The following PDPR variants were observed in gnomAD, a reference collection of about 807,000 sequenced individuals.
PDPR encodes pyruvate dehydrogenase phosphatase regulatory subunit, mitochondrial.
A neutral mutation model predicts 102.2 loss-of-function variants in PDPR; 50 were observed. That is an observed-to-expected ratio of 0.49 (90% CI 0.39 to 0.62). The LOEUF (loss-of-function observed/expected upper bound fraction) is 0.62. Ranked by LOEUF, PDPR falls within the 20% of genes least tolerant of loss-of-function variation. The pLI is 0.00. For synonymous variants in PDPR, 259 were observed against 406.0 expected, an observed-to-expected ratio of 0.64 and a Z score of 4.35; for missense variants, 625 against 1,098.2, an observed-to-expected ratio of 0.57 and a Z score of 6.09.
At position 70,142,476 on chromosome 16, in the gene PDPR, A is replaced by C. The variant is rs1237896834; in HGVS notation, c.1472-77A>C. ...ACATATTTTCAAATGCATAGGCTAG[A>C]ATGTGTTCACAGAAGAAAAAGAACC... On this transcript the variant is annotated intron_variant, in intron 12 of 18. Coordinates refer to ENST00000288050, the MANE Select transcript of PDPR (RefSeq NM_017990.5). 3 of 1,612,590 alleles carry C rather than the reference A, an allele frequency of 1.9e-6. No individual in the cohort carries two copies. In the African/African-American group the frequency reaches 4.0e-5, roughly 22 times the overall value.
At chr16:70,133,283 G>A (rs1185425000) in intron 9 of PDPR, among the ~76,000 whole-genome samples, 2 of 151,748 alleles carry the variant, frequency 1.3e-5, no homozygotes, top group South Asian at 2.1e-4. Context: ...CACCACTCCC[G>A]ACTAATTTTT....
At position 70,156,912 on chromosome 16, in the gene PDPR, A is replaced by T; in HGVS notation, c.*33A>T. 1.9e-6 allele frequency: 3 copies of T among 1,605,532 alleles called. No individual in the cohort carries two copies. Among genetic ancestry groups the T allele is most frequent in the Non-Finnish European group, 2.6e-6 (3 of 1,176,190 alleles). The stretch of plus-strand genomic sequence containing the variant: ...AGGGCAGCCTCACCTCCTCCCCATC[A>T]TCTTGTCCTAGAGTGGGCGTCACCT... On this transcript the variant is annotated 3_prime_UTR_variant, in exon 19 of 19. Transcript: ENST00000288050.
intron 2 of PDPR, 111 bp from the exon 3 acceptor site, chr16:70,120,350 A>G (rs1481262967): frequency 2.5e-5 from 17 of 669,154 alleles, no homozygotes; most frequent in African/African-American, 1.4e-4. Flanking sequence ...ATGCCCAGCC[A>G]CCCTCAAATA....
chr16:70,141,116 T>C (rs558493473), intron 11 of PDPR, among the ~76,000 whole-genome samples: 1 of 152,308 alleles, frequency 6.6e-6, no homozygotes, highest in Admixed American at 6.5e-5. Context: ...TGCCGTGGCG[T>C]GATTTCGGCT....
chr16:70,119,529 A>G (rs947454384), intron 2 of PDPR, among the ~76,000 whole-genome samples: 4 of 143,468 alleles, frequency 2.8e-5, no homozygotes, highest in African/African-American at 1.1e-4. Flanking sequence ...ATCTCCCCAC[A>G]CTCCCCGTGT....
intron 18 of PDPR, among the ~76,000 whole-genome samples, chr16:70,154,669 G>A (rs952136760): frequency 2.0e-5 from 3 of 152,208 alleles, no homozygotes; most frequent in African/African-American, 2.4e-5. Context: ...TTGAGGTGGG[G>A]TCTCATTCTG....
At chr16:70,132,681 T>A (rs1964662683) in intron 9 of PDPR, among the ~76,000 whole-genome samples, 1 of 152,070 alleles carries the variant, frequency 6.6e-6, no homozygotes, top group Non-Finnish European at 1.5e-5. Flanking sequence ...AGAGACATGG[T>A]CTCGCCATGT....
At chr16:70,155,293 T>C (rs2152121523) in intron 18 of PDPR, among the ~76,000 whole-genome samples, 1 of 152,376 alleles carries the variant, frequency 6.6e-6, no homozygotes, top group South Asian at 2.1e-4. Context: ...TTTTTTTTTC[T>C]TTCTTGAGAC....
chr16:70,140,519 C>T (rs983902935), intron 11 of PDPR, among the ~76,000 whole-genome samples: 6 of 152,018 alleles, frequency 3.9e-5, no homozygotes, highest in African/African-American at 1.4e-4. Context: ...GTGGCAGGCA[C>T]ATAGAAAATG....
intron 2 of PDPR, among the ~76,000 whole-genome samples, chr16:70,119,348 A>G (rs1296797168): frequency 4.0e-5 from 6 of 151,888 alleles, no homozygotes; most frequent in Admixed American, 1.3e-4. Context: ...CCCACCGCCA[A>G]AAAAAACAAA....
chr16:70,126,263 G>A (rs1963952384), intron 3 of PDPR, among the ~76,000 whole-genome samples: 1 of 152,286 alleles, frequency 6.6e-6, no homozygotes, highest in Non-Finnish European at 1.5e-5. Flanking sequence ...TTAGTCTGAA[G>A]TGTAGTGGCA....
At chr16:70,122,222 A>G (rs1467378780) in intron 3 of PDPR, among the ~76,000 whole-genome samples, 1 of 152,238 alleles carries the variant, frequency 6.6e-6, no homozygotes, top group African/African-American at 2.4e-5. Context: ...CCTGACCTCC[A>G]GTGATCTACC....
intron 17 of PDPR, among the ~76,000 whole-genome samples, chr16:70,149,754 A>G (rs1053239929): frequency 2.1e-4 from 32 of 152,262 alleles, no homozygotes; most frequent in Admixed American, 3.9e-4. Flanking sequence ...GGCTGAGTTC[A>G]GTCTAATCAT....
chr16:70,140,583 C>T (rs1597351440), intron 11 of PDPR, among the ~76,000 whole-genome samples: 1 of 152,146 alleles, frequency 6.6e-6, no homozygotes, highest in African/African-American at 2.4e-5. Flanking sequence ...TGTTGGGAGG[C>T]TGAGGCAGGC....
chr16:70,144,661 A>G, intron 15 of PDPR, 128 bp downstream of exon 15: 2 of 606,412 alleles, frequency 3.3e-6, no homozygotes, highest in Non-Finnish European at 6.0e-6. Flanking sequence ...CTCTGGTCAT[A>G]GAAAATTGAT....
intron 2 of PDPR, among the ~76,000 whole-genome samples, chr16:70,116,891 G>A (rs1962703105): frequency 6.6e-6 from 1 of 151,848 alleles, no homozygotes; most frequent in African/African-American, 2.4e-5. Context: ...TACTGTGTTT[G>A]TTCTGCCACC....
chr16:70,133,111 C>CTGTTTTTT (rs1964712426), intron 9 of PDPR, among the ~76,000 whole-genome samples: 1 of 97,228 alleles, frequency 1.0e-5, no homozygotes, highest in Admixed American at 1.4e-4. Context: ...TACCCAGCTG[C>CTGTTTTTT]TTTTTTTTTT....
intron 3 of PDPR, among the ~76,000 whole-genome samples, chr16:70,124,932 A>T (rs888185634): frequency 6.6e-6 from 1 of 152,284 alleles, no homozygotes; most frequent in African/African-American, 2.4e-5. Context: ...CTTTCTTGAC[A>T]TATGGGTCCC....
intron 2 of PDPR, among the ~76,000 whole-genome samples, chr16:70,115,287 C>T (rs968015699): frequency 9.2e-5 from 14 of 152,068 alleles, no homozygotes; most frequent in Non-Finnish European, 2.1e-4. Context: ...CCACGCCCGG[C>T]TAATTTTTGT....
Sources: gnomAD v4.1 joint callset for allele counts (sites outside exome capture counted in the v4.1 genomes callset) on GRCh38, gnomAD v4.1.1 for gene constraint, MANE v1.5 for transcripts, NCBI Gene and HGNC (gene_info 2026-07-23, HGNC 2026-07-21) for gene names.